RARS2: variants seen among roughly 807,000 people sequenced by gnomAD.
RARS2 encodes the protein probable arginine--tRNA ligase, mitochondrial.
In RARS2, 67 loss-of-function variants were observed where a neutral mutation model predicts 88.5. That is an observed-to-expected ratio of 0.76 (90% confidence interval 0.62 to 0.93). The LOEUF is 0.93. RARS2 is among the 40% of genes least tolerant of loss of function. The pLI is 0.00. For synonymous variants in RARS2, 239 were observed against 230.3 expected (o/e 1.04, Z -0.34); for missense variants, 664 against 684.2 (o/e 0.97, Z 0.33).
At chr6:87,549,851 T>C (rs1448888138) in intron 5 of RARS2, among the ~76,000 whole-genome samples, 1 of 152,216 alleles carries the variant, frequency 6.6e-6, no homozygotes, top group African/African-American at 2.4e-5. Flanking sequence ...TGGCAATATC[T>C]TGATGACTCT....
chr6:87,523,190 A>G (rs924888710), intron 11 of RARS2, among the ~76,000 whole-genome samples: 36 of 152,220 alleles, frequency 2.4e-4, no homozygotes, highest in African/African-American at 8.7e-4. Context: ...AAAACAAAAA[A>G]GAATAAGAAA....
In RARS2 at chr6:87,527,681, T is replaced by C. The variant is rs769153616; in HGVS notation, c.878+1861A>G. Among the ~76,000 whole-genome samples, 7 of 151,928 alleles carry C rather than the reference T, an allele frequency of 4.6e-5. No homozygotes were observed. In the East Asian group the frequency reaches 7.7e-4, roughly 17 times the overall value. ...CTGGTAAGGGGTTAATGTGAAAATA[T>C]ATAAGGAACTCAACTCAATGGAAAA... On this transcript the variant is annotated intron_variant, in intron 10 of 19. Transcript: ENST00000369536.
At chr6:87,553,199 G>A (rs1784863323) in intron 5 of RARS2, among the ~76,000 whole-genome samples, 2 of 152,170 alleles carry the variant, frequency 1.3e-5, no homozygotes, top group Admixed American at 1.3e-4. Context: ...TACCCTGCGG[G>A]AGAGACAATG....
intron 4 of RARS2, among the ~76,000 whole-genome samples, chr6:87,558,100 C>G (rs1185016848): frequency 6.6e-6 from 1 of 151,846 alleles, no homozygotes; most frequent in Non-Finnish European, 1.5e-5. Flanking sequence ...TCCCTTGAAC[C>G]TGGGAGATGG....
rs538205826 is a variant in RARS2 at position 87,528,498 on chromosome 6, A to T, written c.878+1044T>A. 3.9e-5 allele frequency among the ~76,000 whole-genome samples: 6 copies of T among 152,370 alleles called. No homozygotes were observed. In the South Asian group the frequency reaches 1.2e-3, roughly 32 times the overall value. ...TGTAACATTATTCACAATAGCCAAG[A>T]TGTGAATCAACCTTAATAGATGAGT... On this transcript the variant is annotated intron_variant, in intron 10 of 19. Transcript: ENST00000369536.
At chr6:87,537,152 G>C (rs889310590) in intron 8 of RARS2, among the ~76,000 whole-genome samples, 1 of 152,232 alleles carries the variant, frequency 6.6e-6, no homozygotes, top group African/African-American at 2.4e-5. Flanking sequence ...GAGGAAGGCA[G>C]GCCATAAAAT....
intron 17 of RARS2, among the ~76,000 whole-genome samples, chr6:87,517,273 G>A (rs553043469): frequency 2.1e-4 from 32 of 151,756 alleles, no homozygotes; most frequent in African/African-American, 6.1e-4. Context: ...GCAAGACTCC[G>A]TCTCAAAAAA....
chr6:87,522,844 A>G (rs1234896042), intron 11 of RARS2, among the ~76,000 whole-genome samples: 1 of 152,186 alleles, frequency 6.6e-6, no homozygotes, highest in South Asian at 2.1e-4. Context: ...TTCTGGCCTC[A>G]AGTGATCCTC....
intron 4 of RARS2, among the ~76,000 whole-genome samples, chr6:87,558,271 C>A (rs1167930051): frequency 1.3e-5 from 2 of 151,814 alleles, no homozygotes; most frequent in Non-Finnish European, 2.9e-5. Flanking sequence ...ACAGAAAATA[C>A]ACTTGTTCTT....
intron 10 of RARS2, among the ~76,000 whole-genome samples, chr6:87,529,068 T>A (rs1431165910): frequency 6.6e-6 from 1 of 152,182 alleles, no homozygotes; most frequent in African/African-American, 2.4e-5. Context: ...AGGGATATGC[T>A]AACACCATCT....
chr6:87,519,331 C>T, intron 14 of RARS2: 1 of 437,198 alleles, frequency 2.3e-6, no homozygotes, highest in Non-Finnish European at 4.2e-6. Context: ...ATCACCTAGA[C>T]AACAGAATGT....
chr6:87,546,489 T>C (rs114720684), intron 6 of RARS2, among the ~76,000 whole-genome samples: 300 of 152,196 alleles, frequency 2.0e-3, no homozygotes, highest in African/African-American at 6.9e-3. Context: ...TGAAAGTATA[T>C]GGGGCTGCCT....
At chr6:87,568,500 AAAAC>A (rs1165276029) in intron 2 of RARS2, among the ~76,000 whole-genome samples, 1 of 152,214 alleles carries the variant, frequency 6.6e-6, no homozygotes, top group Non-Finnish European at 1.5e-5. Context: ...ACCTGGTCTC[AAAAC>A]AAACAAACAC....
rs3734908 is a variant in RARS2, at chr6:87,518,806, G to A, written c.1305+18C>T. ...AGTACCAAACAAAAGGGCCTCACAG[G>A]TAGGAGTCTTAACAGACCTGAATAA... is the stretch of plus-strand genomic sequence containing the variant. On this transcript the variant is annotated intron_variant, in intron 15 of 19. Transcript: ENST00000369536. The A allele has an allele frequency of 0.046, 74,947 of 1,613,090 alleles. 2,130 individuals carry two copies. Among genetic ancestry groups the A allele is most frequent in the African/African-American group, 0.12 (8,778 of 74,942 alleles).
At chr6:87,583,900 T>A (rs779100871) in intron 1 of RARS2, among the ~76,000 whole-genome samples, 7 of 152,204 alleles carry the variant, frequency 4.6e-5, no homozygotes, top group Non-Finnish European at 8.8e-5. Flanking sequence ...ACTGAGATGA[T>A]GAAATGAAAA....
At chr6:87,515,095 T>C (rs955941208) in intron 18 of RARS2, 75 bp from the exon 19 acceptor site, 1 of 1,103,332 alleles carries the variant, frequency 9.1e-7, no homozygotes, top group Admixed American at 1.7e-5. Flanking sequence ...TGATATCTAA[T>C]CTTACTCCTT....
chr6:87,586,564 G>A (rs1392513528), intron 1 of RARS2, among the ~76,000 whole-genome samples: 1 of 152,126 alleles, frequency 6.6e-6, no homozygotes, highest in Non-Finnish European at 1.5e-5. Context: ...GGTTTACATC[G>A]TTTTCCAAGC....
At chr6:87,520,304 G>C in intron 12 of RARS2, 48 bp from the exon 13 acceptor site, 2 of 1,394,054 alleles carry the variant, frequency 1.4e-6, no homozygotes, top group African/African-American at 1.4e-5. Flanking sequence ...ACAAATTAAT[G>C]TATAAAAATA....
chr6:87,565,250 T>C (rs529090239), intron 2 of RARS2, among the ~76,000 whole-genome samples: 3 of 152,312 alleles, frequency 2.0e-5, no homozygotes, highest in South Asian at 4.1e-4. Flanking sequence ...ACCTCTCCAC[T>C]GACCTCCAAA....
Sources: allele counts gnomAD v4.1 joint callset (sites outside exome capture counted in the v4.1 genomes callset), GRCh38; gene constraint gnomAD v4.1.1; transcripts MANE v1.5; gene names NCBI Gene and HGNC (gene_info 2026-07-23, HGNC 2026-07-21).